Variants in EPB41L1 observed in about 807,000 individuals in gnomAD.
EPB41L1 encodes the protein band 4.1-like protein 1.
A neutral mutation model predicts 97.8 loss-of-function variants in EPB41L1; 29 were observed. That is an observed-to-expected ratio of 0.30 (90% CI 0.22 to 0.40). The LOEUF (loss-of-function observed/expected upper bound fraction) is 0.40. Among genes scored for constraint, EPB41L1 ranks in the 10% least tolerant of loss-of-function variants. The pLI is 1.00. For missense variants in EPB41L1, 812 were observed against 1,162.3 expected (o/e 0.70, Z 4.38); for synonymous variants, 383 against 459.2 (o/e 0.83, Z 2.12).
chr20:36,135,896 G>A (rs997149326), intron 2 of EPB41L1, among the ~76,000 whole-genome samples: 7 of 152,140 alleles, frequency 4.6e-5, no homozygotes, highest in Non-Finnish European at 1.0e-4. Context: ...AGAATTGAGG[G>A]TAGCAGGTAG....
intron 1 of EPB41L1, among the ~76,000 whole-genome samples, chr20:36,167,323 T>C (rs1368288427): frequency 6.6e-6 from 1 of 152,122 alleles, no homozygotes; most frequent in Non-Finnish European, 1.5e-5. Context: ...GAGCTGATGC[T>C]GAATAGATGG....
At chr20:36,167,283 G>C (rs2060778352) in intron 1 of EPB41L1, among the ~76,000 whole-genome samples, 1 of 152,158 alleles carries the variant, frequency 6.6e-6, no homozygotes, top group African/African-American at 2.4e-5. Context: ...GTGGCGGCTT[G>C]GGGAGGGAAT....
At chr20:36,219,904 T>C (rs2063678020) in intron 19 of EPB41L1, 60 bp downstream of exon 19, 2 of 1,450,920 alleles carry the variant, frequency 1.4e-6, no homozygotes, top group Non-Finnish European at 1.9e-6. Flanking sequence ...AGGTCATGAC[T>C]GTTGTTCTGC....
At chr20:36,183,083 G>A (rs371894898) in intron 6 of EPB41L1, among the ~76,000 whole-genome samples, 23 of 152,318 alleles carry the variant, frequency 1.5e-4, no homozygotes, top group African/African-American at 3.6e-4. Flanking sequence ...GAGAGCTTCC[G>A]TGGGGTTATC....
intron 1 of EPB41L1, among the ~76,000 whole-genome samples, chr20:36,156,833 A>G (rs2060322104): frequency 6.6e-6 from 1 of 152,146 alleles, no homozygotes; most frequent in Admixed American, 6.5e-5. Flanking sequence ...AGGGGGCAAC[A>G]GAGAGTTTTC....
chr20:36,117,275 G>T (rs1292009806), intron 2 of EPB41L1, among the ~76,000 whole-genome samples: 1 of 152,158 alleles, frequency 6.6e-6, no homozygotes, highest in African/African-American at 2.4e-5. Flanking sequence ...GGGGACTCAG[G>T]CCTCAGGAAT....
chr20:36,115,927 CAG>C (rs1373653887), intron 2 of EPB41L1, among the ~76,000 whole-genome samples: 1 of 152,094 alleles, frequency 6.6e-6, no homozygotes, highest in African/African-American at 2.4e-5. Context: ...ACAACAACTC[CAG>C]AGAGTAGGTT....
intron 14 of EPB41L1, among the ~76,000 whole-genome samples, chr20:36,199,800 G>A (rs945787270): frequency 6.6e-6 from 1 of 152,180 alleles, no homozygotes; most frequent in Non-Finnish European, 1.5e-5. Flanking sequence ...TGGGCGAGGT[G>A]GGATGCAGAG....
intron 1 of EPB41L1, among the ~76,000 whole-genome samples, chr20:36,105,168 CTG>C (rs1309665990): frequency 6.6e-6 from 1 of 152,172 alleles, no homozygotes; most frequent in Non-Finnish European, 1.5e-5. Context: ...AGAGACATGA[CTG>C]TATGAGAACA....
At chr20:36,112,058 C>A (rs115705344) in intron 1 of EPB41L1, among the ~76,000 whole-genome samples, 1 of 152,144 alleles carries the variant, frequency 6.6e-6, no homozygotes, top group Non-Finnish European at 1.5e-5. Context: ...ACCACCCTAG[C>A]TTAGGCCCTC....
chr20:36,198,353 C>T (rs749453886), intron 14 of EPB41L1, among the ~76,000 whole-genome samples: 5 of 152,220 alleles, frequency 3.3e-5, no homozygotes, highest in Non-Finnish European at 7.3e-5. Flanking sequence ...AGGGCCCCAG[C>T]CCAGACCTAC....
At chr20:36,123,774 T>C (rs1045136911) in intron 2 of EPB41L1, among the ~76,000 whole-genome samples, 1 of 152,156 alleles carries the variant, frequency 6.6e-6, no homozygotes, top group African/African-American at 2.4e-5. Flanking sequence ...GAAGAAGGAA[T>C]GGGAGTTAGA....
intron 1 of EPB41L1, among the ~76,000 whole-genome samples, chr20:36,100,055 A>G (rs1393073250): frequency 6.6e-6 from 1 of 152,180 alleles, no homozygotes; most frequent in Admixed American, 6.5e-5. Flanking sequence ...GGGGCTCTGG[A>G]GTCTAGATGT....
At position 36,141,177 on chromosome 20, in the gene EPB41L1, T is replaced by TC. The variant is rs558003094; in HGVS notation, c.-10+28699dup. 3.5e-3 allele frequency among the ~76,000 whole-genome samples: 530 copies of TC among 152,304 alleles called. 4 individuals are homozygous for TC. Among genetic ancestry groups the TC allele is most frequent in the Non-Finnish European group, 4.2e-3 (285 of 68,026 alleles). Reference sequence around the variant, plus strand: ...TGTCAATATCAGACCTGCATGTGAATCCTGATTCACTCTATGACCTTTGGC... The same window carrying TC: ...TGTCAATATCAGACCTGCATGTGAATCCCTGATTCACTCTATGACCTTTGGC... On this transcript the variant is annotated intron_variant, in intron 2 of 19. Transcript: ENST00000202028.
chr20:36,177,359 C>T (rs2061286382), intron 3 of EPB41L1, among the ~76,000 whole-genome samples: 1 of 152,176 alleles, frequency 6.6e-6, no homozygotes, highest in African/African-American at 2.4e-5. Context: ...GAGGAACCTA[C>T]CTGGCCCTAA....
intron 2 of EPB41L1, among the ~76,000 whole-genome samples, chr20:36,137,216 A>G (rs1482171728): frequency 6.6e-6 from 1 of 151,506 alleles, no homozygotes; most frequent in East Asian, 2.0e-4. Context: ...CTGGGACTAC[A>G]GGCATATGCA....
At position 36,212,551 on chromosome 20, in the gene EPB41L1, G is replaced by A. The variant is rs903236955; in HGVS notation, c.2184+175G>A. 3.9e-5 allele frequency among the ~76,000 whole-genome samples: 6 copies of A among 152,128 alleles called. No individual in the cohort carries two copies. The highest frequency in any genetic ancestry group is 1.4e-4 in the African/African-American group (6 of 41,408). On this transcript the variant is annotated intron_variant, in intron 16 of 21. Transcript: ENST00000338074. This position sits in a 1 kb window ranked among gnomAD's most constrained non-coding sequence, Gnocchi z 4.8. Reference sequence around the variant, plus strand: ...AGTGTCCTCTCTGAGCTCTGGGGAGGGGCAACGGGTAAAGCAGGTTCCTGT... The same window carrying A: ...AGTGTCCTCTCTGAGCTCTGGGGAGAGGCAACGGGTAAAGCAGGTTCCTGT...
intron 8 of EPB41L1, 73 bp downstream of exon 8, chr20:36,187,836 G>GTCTGGCACACCA: frequency 3.0e-6 from 4 of 1,350,360 alleles, no homozygotes; most frequent in Non-Finnish European, 4.2e-6. Context: ...TTTCCCTAGG[G>GTCTGGCACACCA]CGTGGTGTGC....
chr20:36,144,316 C>T (rs1371856363), intron 2 of EPB41L1, among the ~76,000 whole-genome samples: 1 of 152,162 alleles, frequency 6.6e-6, no homozygotes, highest in African/African-American at 2.4e-5. Flanking sequence ...GCCACCCTCC[C>T]CTGCCTGGTT....
Sources: gnomAD v4.1 joint callset for allele counts (sites outside exome capture counted in the v4.1 genomes callset) on GRCh38, gnomAD v4.1.1 for gene constraint, Gnocchi (gnomAD v3.1) non-coding constraint, MANE v1.5 for transcripts, NCBI Gene and HGNC (gene_info 2026-07-23, HGNC 2026-07-21) for gene names.